Variants in TAFA1 observed in about 807,000 individuals in gnomAD.
The protein encoded by TAFA1 is chemokine-like protein TAFA-1.
Under a neutral mutation model 18.5 loss-of-function variants are expected in TAFA1, and 4 were observed. The ratio of observed to expected loss-of-function variants is 0.22; its 90% CI spans 0.11 to 0.49. TAFA1 has a LOEUF of 0.49. Ranked by LOEUF, TAFA1 falls within the 20% of genes least tolerant of loss-of-function variation. The pLI is 0.98. For synonymous variants in TAFA1, 56 were observed against 55.2 expected, an observed-to-expected ratio of 1.01 and a Z score of -0.06; for missense variants, 147 against 169.0, an observed-to-expected ratio of 0.87 and a Z score of 0.72.
intron 3 of TAFA1, among the ~76,000 whole-genome samples, chr3:68,456,721 C>T (rs527540119): frequency 2.5e-4 from 38 of 152,254 alleles, no homozygotes; most frequent in African/African-American, 8.9e-4. Flanking sequence ...GAAAAGGTAT[C>T]TTGCAAAAAA....
intron 2 of TAFA1, among the ~76,000 whole-genome samples, chr3:68,227,986 G>A (rs1399223179): frequency 6.6e-6 from 1 of 152,172 alleles, no homozygotes; most frequent in Non-Finnish European, 1.5e-5. Flanking sequence ...AAACAGCCCA[G>A]GGTGCAACTT....
At chr3:68,395,172 G>A (rs1472329754) in intron 2 of TAFA1, among the ~76,000 whole-genome samples, 1 of 151,878 alleles carries the variant, frequency 6.6e-6, no homozygotes, top group African/African-American at 2.4e-5. Flanking sequence ...ACATTTATGC[G>A]GCCAACAAAC....
chr3:68,449,536 G>A (rs1409357342), intron 3 of TAFA1, among the ~76,000 whole-genome samples: 1 of 152,058 alleles, frequency 6.6e-6, no homozygotes, highest in Non-Finnish European at 1.5e-5. Flanking sequence ...TTACATATGT[G>A]TTGGCCCAAT....
chr3:68,421,516 T>C (rs1575852151), intron 3 of TAFA1, among the ~76,000 whole-genome samples: 1 of 152,270 alleles, frequency 6.6e-6, no homozygotes, highest in Non-Finnish European at 1.5e-5. Flanking sequence ...TTCATATACC[T>C]GGATGGAATC....
At chr3:68,540,311 G>C (rs1392812655) in intron 4 of TAFA1, among the ~76,000 whole-genome samples, 1 of 151,980 alleles carries the variant, frequency 6.6e-6, no homozygotes, top group East Asian at 1.9e-4. Context: ...ATCTGTCTGT[G>C]CCTGAGTAGC....
chr3:68,213,367 T>C (rs931453296), intron 2 of TAFA1, among the ~76,000 whole-genome samples: 3 of 152,078 alleles, frequency 2.0e-5, no homozygotes, highest in African/African-American at 7.2e-5. Context: ...TCATCGTTAT[T>C]TTCTTGTTGT....
Position 68,006,696 on chromosome 3 carries a change from C to T in TAFA1, c.70C>T (p.His24Tyr). The change falls in exon 2 of 5, where the codon CAT becomes TAT. Residue 24 changes from histidine to tyrosine, a missense_variant. Transcript: ENST00000478136. ...WISACAMLLC[H>Y]GSLQHTFQQH... ...AAGTGCTTGTGCAATGCTACTCTGC[C>T]ATGGATCCCTTCAGCACACTTTCCA... 1 of 1,614,022 alleles carries T rather than the reference C, an allele frequency of 6.2e-7. No homozygotes were observed. The highest frequency in any genetic ancestry group is 2.2e-5 in the East Asian group (1 of 44,882).
chr3:68,364,746 C>T (rs955126960), intron 2 of TAFA1, among the ~76,000 whole-genome samples: 1 of 152,196 alleles, frequency 6.6e-6, no homozygotes, highest in African/African-American at 2.4e-5. Context: ...AATACTCCTT[C>T]ATATGTGCCA....
chr3:68,029,261 G>C (rs994457923), intron 2 of TAFA1, among the ~76,000 whole-genome samples: 2 of 152,116 alleles, frequency 1.3e-5, no homozygotes, highest in African/African-American at 4.8e-5. Context: ...CTACAATTAT[G>C]TCTACATGTA....
chr3:68,074,311 G>A (rs375174531), intron 2 of TAFA1, among the ~76,000 whole-genome samples: 177 of 152,216 alleles, frequency 1.2e-3, no homozygotes, highest in African/African-American at 3.9e-3. Flanking sequence ...CTACTGTGTG[G>A]TCCAGTTCCT....
At chr3:68,316,377 T>TA (rs950076026) in intron 2 of TAFA1, among the ~76,000 whole-genome samples, 2 of 152,050 alleles carry the variant, frequency 1.3e-5, no homozygotes, top group African/African-American at 2.4e-5. Context: ...TACCCTCAGG[T>TA]AAAAAAAGGA....
chr3:68,047,432 G>A (rs1030853239), intron 2 of TAFA1, among the ~76,000 whole-genome samples: 25 of 152,156 alleles, frequency 1.6e-4, no homozygotes, highest in African/African-American at 6.0e-4. Flanking sequence ...TTTCACAGAA[G>A]GGAAAGTTTA....
intron 2 of TAFA1, among the ~76,000 whole-genome samples, chr3:68,112,040 A>T (rs77347886): frequency 1.3e-5 from 2 of 152,280 alleles, no homozygotes; most frequent in East Asian, 3.9e-4. Context: ...ACTTCTGTCC[A>T]TTGCATCTTG....
chr3:68,425,709 G>T (rs1045452799), intron 3 of TAFA1, among the ~76,000 whole-genome samples: 4 of 151,940 alleles, frequency 2.6e-5, no homozygotes, highest in African/African-American at 9.7e-5. Context: ...CTGGAATTCA[G>T]TCATCATATG....
chr3:68,245,680 C>T (rs1470683967), intron 2 of TAFA1, among the ~76,000 whole-genome samples: 1 of 152,158 alleles, frequency 6.6e-6, no homozygotes, highest in Non-Finnish European at 1.5e-5. Flanking sequence ...GAGCAAAAAT[C>T]AGAAGATGAA....
chr3:68,384,504 A>G (rs966106985), intron 2 of TAFA1, among the ~76,000 whole-genome samples: 1 of 151,988 alleles, frequency 6.6e-6, no homozygotes, highest in Non-Finnish European at 1.5e-5. Flanking sequence ...TTGATTTCTA[A>G]TTTCATTGTG....
chr3:68,476,749 A>G (rs1398303681), intron 3 of TAFA1, among the ~76,000 whole-genome samples: 4 of 152,164 alleles, frequency 2.6e-5, no homozygotes, highest in Non-Finnish European at 4.4e-5. Flanking sequence ...ATCCAAGATT[A>G]TTTTTAAAGG....
chr3:68,305,837 T>A (rs141506029), intron 2 of TAFA1, among the ~76,000 whole-genome samples: 19 of 152,298 alleles, frequency 1.2e-4, no homozygotes, highest in African/African-American at 4.1e-4. Flanking sequence ...CTATGTGAAC[T>A]GTGGCACATT....
intron 2 of TAFA1, among the ~76,000 whole-genome samples, chr3:68,368,837 G>A (rs1356468098): frequency 6.6e-6 from 1 of 152,184 alleles, no homozygotes; most frequent in Non-Finnish European, 1.5e-5. Context: ...AAGCAAGGCA[G>A]CATCACACAA....
Sources: allele counts gnomAD v4.1 joint callset (sites outside exome capture counted in the v4.1 genomes callset), GRCh38; gene constraint gnomAD v4.1.1; transcripts MANE v1.5; gene names NCBI Gene and HGNC (gene_info 2026-07-23, HGNC 2026-07-21).